Variants in FIP1L1 observed in about 807,000 individuals in gnomAD.
FIP1L1 encodes the protein pre-mRNA 3'-end-processing factor FIP1.
Under a neutral mutation model 84.6 loss-of-function variants are expected in FIP1L1, and 21 were observed. The observed-to-expected ratio is 0.25, with a 90% CI of 0.18 to 0.36. FIP1L1 has a LOEUF of 0.36. Ranked by LOEUF, FIP1L1 falls within the 10% of genes least tolerant of loss-of-function variation. The pLI is 1.00. For synonymous variants in FIP1L1, 263 were observed against 242.3 expected, an observed-to-expected ratio of 1.09 and a Z score of -0.80; for missense variants, 526 against 751.1, an observed-to-expected ratio of 0.70 and a Z score of 3.50.
At position 53,377,740 on chromosome 4, in the gene FIP1L1, G is replaced by GTATCATTAAAAAA; in HGVS notation, c.-99_-98insTATCATTAAAAAA. The stretch of plus-strand genomic sequence containing the variant: ...CTCGAGCTTTCTTCGTTCGTTCGTC[G>GTATCATTAAAAAA]GCGGGTTCGCGCCCTTCTCGCGCCT... On this transcript the variant is annotated 5_prime_UTR_variant, in exon 1 of 18. The change creates a premature stop within an existing upstream ORF in the 5' untranslated region. Transcript: ENST00000337488. 8.8e-7 allele frequency: 1 copy of GTATCATTAAAAAA among 1,137,848 alleles called. No individual in the cohort carries two copies. The highest frequency in any genetic ancestry group is 1.8e-5 in the South Asian group (1 of 56,648). The allele number at this position is 1,137,848 out of a possible 1,614,324, so 70.5% of individuals were successfully genotyped here. A position where few individuals can be genotyped will look rare whatever the true frequency, so the allele number is the denominator to read the frequency against.
intron 11 of FIP1L1, among the ~76,000 whole-genome samples, chr4:53,416,731 G>A (rs533982280): frequency 2.6e-5 from 4 of 152,242 alleles, no homozygotes; most frequent in East Asian, 3.9e-4. Flanking sequence ...TTGGGAGACC[G>A]AGGCAGGTGG....
At chr4:53,395,872 T>A (rs1746968588) in intron 9 of FIP1L1, among the ~76,000 whole-genome samples, 1 of 152,100 alleles carries the variant, frequency 6.6e-6, no homozygotes, top group Non-Finnish European at 1.5e-5. Flanking sequence ...CTTGTGGATA[T>A]AGATATCACC....
intron 11 of FIP1L1, among the ~76,000 whole-genome samples, chr4:53,417,651 A>AT (rs1295416935): frequency 6.7e-6 from 1 of 149,978 alleles, no homozygotes; most frequent in Non-Finnish European, 1.5e-5. Context: ...TCAAAAAAAA[A>AT]AAAAAAAAAA....
At chr4:53,399,596 A>G (rs1172009675) in intron 9 of FIP1L1, 134 bp from the exon 10 acceptor site, 9 of 608,722 alleles carry the variant, frequency 1.5e-5, no homozygotes, top group African/African-American at 3.7e-5. Context: ...GCTAATTTTA[A>G]TAAATATTCA....
chr4:53,415,258 G>C (rs1758980615), intron 11 of FIP1L1, among the ~76,000 whole-genome samples: 1 of 152,048 alleles, frequency 6.6e-6, no homozygotes. Context: ...GTGAATTTTG[G>C]TTTGTGTTCT....
intron 13 of FIP1L1, among the ~76,000 whole-genome samples, chr4:53,431,813 T>C (rs1303852613): frequency 6.6e-6 from 1 of 152,222 alleles, no homozygotes. Flanking sequence ...AGTTACTGTT[T>C]AACAATTATA....
At position 53,416,431 on chromosome 4, in the gene FIP1L1, A is replaced by G. The variant is rs184428588; in HGVS notation, c.923+1709A>G. ...ACATGCCTATGCCTCCATTACCACA[A>G]TCGTAACATAGTGGAGCTAGACTGT... On this transcript the variant is annotated intron_variant, in intron 11 of 17. Coordinates refer to ENST00000337488, the MANE Select transcript of FIP1L1 (RefSeq NM_030917.4). 3.4e-4 allele frequency among the ~76,000 whole-genome samples: 52 copies of G among 152,312 alleles called. No homozygotes were observed. The East Asian group carries it at 7.1e-3, about 21-fold the overall frequency.
chr4:53,442,355 G>A (rs1772308573), intron 13 of FIP1L1: 1 of 262,360 alleles, frequency 3.8e-6, no homozygotes, highest in African/African-American at 2.2e-5. Context: ...AGAAGGTAAG[G>A]CATTGAGATT....
chr4:53,414,099 G>A (rs1001259824), intron 10 of FIP1L1, among the ~76,000 whole-genome samples: 1 of 152,006 alleles, frequency 6.6e-6, no homozygotes, highest in African/African-American at 2.4e-5. Flanking sequence ...ACTTTTTTGG[G>A]AACTTTACTT....
chr4:53,391,895 C>G (rs1024990914), intron 9 of FIP1L1, among the ~76,000 whole-genome samples: 1 of 152,160 alleles, frequency 6.6e-6, no homozygotes, highest in African/African-American at 2.4e-5. Context: ...TACTGTTTAT[C>G]TCTATGACAC....
Position 53,377,708 on chromosome 4 carries a change from T to C in FIP1L1, c.-131T>C, listed in dbSNP as rs1735298243. The C allele has an allele frequency of 2.6e-6, 2 of 759,540 alleles. No individual in the cohort carries two copies. Among genetic ancestry groups the C allele is most frequent in the Non-Finnish European group, 4.0e-6 (2 of 501,058 alleles). 47.1% of individuals were successfully genotyped at this position (759,540 alleles called of 1,614,324 possible). On this transcript the variant is annotated 5_prime_UTR_variant, in exon 1 of 18. Coordinates refer to ENST00000337488, the MANE Select transcript of FIP1L1 (RefSeq NM_030917.4). ...CGCCGCTGCCGTCGCCTTCCTGGGA[T>C]TGGAGTCTCGAGCTTTCTTCGTTCG...
intron 13 of FIP1L1, among the ~76,000 whole-genome samples, chr4:53,431,734 C>T (rs909772157): frequency 1.2e-4 from 18 of 152,230 alleles, no homozygotes; most frequent in African/African-American, 3.9e-4. Context: ...AAGAAATTCC[C>T]TGGTTTAGAT....
At chr4:53,390,699 T>C in intron 7 of FIP1L1, 71 bp downstream of exon 7, 4 of 921,522 alleles carry the variant, frequency 4.3e-6, no homozygotes, top group East Asian at 2.6e-5. Context: ...TTTTTGAACA[T>C]CAATTTAGAA....
At chr4:53,382,137 G>C in intron 3 of FIP1L1, 141 bp from the exon 4 acceptor site, 1 of 586,818 alleles carries the variant, frequency 1.7e-6, no homozygotes, top group Non-Finnish European at 3.0e-6. Context: ...AACGGAATAA[G>C]ACAGTCAGAT....
intron 15 of FIP1L1, among the ~76,000 whole-genome samples, chr4:53,451,710 A>G (rs1293257405): frequency 6.6e-6 from 1 of 151,098 alleles, no homozygotes; most frequent in Admixed American, 6.6e-5. Flanking sequence ...CTTATATCCT[A>G]TTGTGGTTCA....
chr4:53,447,432 T>C (rs1774696963), intron 15 of FIP1L1, among the ~76,000 whole-genome samples: 1 of 152,164 alleles, frequency 6.6e-6, no homozygotes, highest in South Asian at 2.1e-4. Flanking sequence ...ACTGAACTTT[T>C]CTTTCTCCAC....
At chr4:53,458,851 G>C (rs2150506810) in intron 17 of FIP1L1, 61 bp downstream of exon 17, 2 of 1,551,618 alleles carry the variant, frequency 1.3e-6, no homozygotes. Context: ...TTACTACATT[G>C]TCGCATTGGA....
Position 53,390,562 on chromosome 4 carries a change from A to G in FIP1L1, c.439A>G (p.Ile147Val), listed in dbSNP as rs747730970. ...KGVDLDAPGS[I>V]NGVPLLEVDL... is the part of the protein sequence containing the mutation. ...AGTAGACCTTGATGCACCTGGAAGC[A>G]TTAATGGAGTTCCACTCTTAGAGGT... Residue 147 changes from isoleucine to valine, a missense_variant, in exon 7 of 18, where the codon ATT (isoleucine) becomes GTT (valine). This residue lies in a region of FIP1L1 where 169 missense variants were observed against 206.9 expected (regional missense o/e 0.82). Transcript: ENST00000337488. The G allele has an allele frequency of 9.9e-6, 16 of 1,613,510 alleles. No individual in the cohort carries two copies. The Middle Eastern group carries it at 4.9e-4, about 50-fold the overall frequency.
intron 3 of FIP1L1, among the ~76,000 whole-genome samples, chr4:53,380,165 A>G (rs569427612): frequency 2.4e-4 from 24 of 101,460 alleles, no homozygotes; most frequent in Admixed American, 9.9e-4. Flanking sequence ...ATATTCAGAC[A>G]AAAACTTGTA....
Sources: gnomAD v4.1 joint callset for allele counts (sites outside exome capture counted in the v4.1 genomes callset) on GRCh38, gnomAD v4.1.1 for gene constraint, gnomAD v4.1.1 regional missense constraint, MANE v1.5 for transcripts, NCBI Gene and HGNC (gene_info 2026-07-23, HGNC 2026-07-21) for gene names.